ELL: variants seen among roughly 807,000 people sequenced by gnomAD.
ELL encodes the protein elongation factor for RNA polymerase II.
In ELL, 18 loss-of-function variants were observed where a neutral mutation model predicts 64.0. The observed-to-expected ratio is 0.28, with a 90% CI of 0.19 to 0.42. The LOEUF (loss-of-function observed/expected upper bound fraction) is 0.42. Among genes scored for constraint, ELL ranks in the 10% least tolerant of loss-of-function variants. The probability of loss-of-function intolerance (pLI) is 1.00; values close to 1 mark genes in which losing one functional copy is unlikely to be tolerated. For synonymous variants in ELL, 399 were observed against 376.2 expected (o/e 1.06, Z -0.70); for missense variants, 797 against 870.4 (o/e 0.92, Z 1.06).
At chr19:18,455,741 T>C (rs1458400268) in intron 6 of ELL, among the ~76,000 whole-genome samples, 1 of 150,926 alleles carries the variant, frequency 6.6e-6, no homozygotes, top group Non-Finnish European at 1.5e-5. Flanking sequence ...CAAATAATAG[T>C]AAATTAAGAG....
At chr19:18,507,799 A>G (rs983744532) in intron 1 of ELL, among the ~76,000 whole-genome samples, 13 of 152,210 alleles carry the variant, frequency 8.5e-5, no homozygotes, top group African/African-American at 3.1e-4. Flanking sequence ...GGCTCAGCTC[A>G]GAGACTGCAT....
At chr19:18,494,663 T>TTGC (rs768467363) in intron 1 of ELL, among the ~76,000 whole-genome samples, 7 of 152,192 alleles carry the variant, frequency 4.6e-5, no homozygotes, top group African/African-American at 7.2e-5. Context: ...AGTGCTGGGA[T>TTGC]TGCAGGCATA....
At chr19:18,450,019 G>T (rs1441767886) in intron 8 of ELL, among the ~76,000 whole-genome samples, 1 of 152,172 alleles carries the variant, frequency 6.6e-6, no homozygotes, top group African/African-American at 2.4e-5. Flanking sequence ...CTCCCACCAG[G>T]ATCTGCCCAT....
At chr19:18,516,800 G>C (rs1309323909) in intron 1 of ELL, among the ~76,000 whole-genome samples, 1 of 152,148 alleles carries the variant, frequency 6.6e-6, no homozygotes, top group Non-Finnish European at 1.5e-5. Context: ...CCTGAGAGAA[G>C]GATCTGGAAC....
intron 8 of ELL, among the ~76,000 whole-genome samples, chr19:18,450,225 G>A (rs769765558): frequency 2.6e-5 from 4 of 152,266 alleles, no homozygotes; most frequent in Non-Finnish European, 5.9e-5. Flanking sequence ...CTGGGCCTCC[G>A]GCCCCCAGTG....
At position 18,450,884 on chromosome 19, in the gene ELL, T is replaced by G. The variant is rs770181742; in HGVS notation, c.1058A>C (p.Asn353Thr). The G allele has an allele frequency of 4.2e-5, 66 of 1,578,334 alleles. No homozygotes were observed. Among genetic ancestry groups the G allele is most frequent in the Non-Finnish European group, 5.6e-5 (65 of 1,161,612 alleles). The change falls in exon 8 of 12, where the codon AAC becomes ACC. Residue 353 changes from asparagine to threonine, a missense_variant. Coordinates refer to ENST00000262809, the MANE Select transcript of ELL (RefSeq NM_006532.4). ...HFTQRAQPAV[N>T]GKLGVPNGRE... ...GCCATTGGGCACGCCCAGCTTCCCG[T>G]TGACGGCAGGCTGAGCTCTCTGAGT...
chr19:18,508,914 C>T (rs1412795941), intron 1 of ELL, among the ~76,000 whole-genome samples: 1 of 152,168 alleles, frequency 6.6e-6, no homozygotes, highest in African/African-American at 2.4e-5. Context: ...CACACTACAG[C>T]CCACTCTGTC....
At chr19:18,481,690 C>T (rs1975301991) in intron 1 of ELL, among the ~76,000 whole-genome samples, 1 of 152,244 alleles carries the variant, frequency 6.6e-6, no homozygotes, top group African/African-American at 2.4e-5. Flanking sequence ...CAGCATGACG[C>T]CTTTGAGATC....
intron 1 of ELL, among the ~76,000 whole-genome samples, chr19:18,521,490 G>C (rs1254106100): frequency 6.6e-6 from 1 of 151,732 alleles, no homozygotes; most frequent in Non-Finnish European, 1.5e-5. Context: ...CCCCACCAAC[G>C]GCGCTGCCCC....
chr19:18,502,833 C>T (rs1975808760), intron 1 of ELL, among the ~76,000 whole-genome samples: 2 of 152,350 alleles, frequency 1.3e-5, no homozygotes, highest in African/African-American at 4.8e-5. Flanking sequence ...GAGTTTTGGG[C>T]CATCAATGCG....
Position 18,469,329 on chromosome 19 carries a change from G to A in ELL, c.184-3411C>T, listed in dbSNP as rs111341167. Among the ~76,000 whole-genome samples the A allele has an allele frequency of 3.5e-3, 538 of 152,338 alleles. 1 individual carries two copies. Among genetic ancestry groups the A allele is most frequent in the African/African-American group, 0.011 (443 of 41,570 alleles). ...TATGGAGCCCTCTGATTAACGGGCT[G>A]TTTTGCTGCTGGTTAATGGTTACCA... On this transcript the variant is annotated intron_variant, in intron 2 of 11. Transcript: ENST00000262809.
Position 18,450,460 on chromosome 19 carries a change from C to T in ELL, c.1465+17G>A. 1.9e-6 allele frequency: 3 copies of T among 1,609,200 alleles called. No homozygotes were observed. The highest frequency in any genetic ancestry group is 2.5e-6 in the Non-Finnish European group (3 of 1,177,570). On this transcript the variant is annotated intron_variant, in intron 8 of 11. Coordinates refer to ENST00000262809, the MANE Select transcript of ELL (RefSeq NM_006532.4). ...GTACTTAGAGCCCCGGCAACGCCCTCCTGCCTGGGCACCTACCTGGGGTGT... is the reference window on the plus strand; with the variant it reads ...GTACTTAGAGCCCCGGCAACGCCCTTCTGCCTGGGCACCTACCTGGGGTGT...
Position 18,458,114 on chromosome 19 carries a change from G to A in ELL, c.869+91C>T, listed in dbSNP as rs934844038. The stretch of plus-strand genomic sequence containing the variant: ...TGCTCCCAAGCCCTGTGGCCTTCAG[G>A]ACCACACAAGACCACCCCAGCATCC... On this transcript the variant is annotated intron_variant, in intron 6 of 11. Coordinates refer to ENST00000262809, the MANE Select transcript of ELL (RefSeq NM_006532.4). The A allele has an allele frequency of 3.8e-6, 6 of 1,563,642 alleles. No individual in the cohort carries two copies. The African/African-American group carries it at 6.7e-5, about 17-fold the overall frequency.
chr19:18,492,216 G>A (rs1370820453), intron 1 of ELL, among the ~76,000 whole-genome samples: 1 of 152,152 alleles, frequency 6.6e-6, no homozygotes, highest in Non-Finnish European at 1.5e-5. Flanking sequence ...ACCTCTGTGA[G>A]GAGGCCACAT....
intron 6 of ELL, among the ~76,000 whole-genome samples, chr19:18,455,141 CA>C (rs34585634): frequency 0.49 from 53,286 of 107,744 alleles, 11,729 homozygotes; most frequent in African/African-American, 0.68. Context: ...AGTCCCTCTC[CA>C]AAAAAAAAAA....
At chr19:18,469,028 C>T (rs1458388678) in intron 2 of ELL, among the ~76,000 whole-genome samples, 1 of 152,172 alleles carries the variant, frequency 6.6e-6, no homozygotes, top group Non-Finnish European at 1.5e-5. Context: ...CCCCCAAACT[C>T]CATCCTAGAA....
At chr19:18,470,337 G>A (rs1053541540) in intron 2 of ELL, among the ~76,000 whole-genome samples, 8 of 152,246 alleles carry the variant, frequency 5.3e-5, no homozygotes, top group Non-Finnish European at 7.3e-5. Flanking sequence ...GGTTGGGGAT[G>A]AGGGGCCCCC....
At chr19:18,448,050 C>T (rs1177774400) in intron 8 of ELL, among the ~76,000 whole-genome samples, 2 of 151,296 alleles carry the variant, frequency 1.3e-5, no homozygotes, top group African/African-American at 4.9e-5. Flanking sequence ...CCTTTCAAAG[C>T]GTTGGGATTA....
intron 1 of ELL, among the ~76,000 whole-genome samples, chr19:18,475,170 G>C (rs1316243417): frequency 6.6e-6 from 1 of 152,130 alleles, no homozygotes; most frequent in Non-Finnish European, 1.5e-5. Flanking sequence ...ACATGAAAAA[G>C]AGACCTATAG....
Sources: gnomAD v4.1 joint callset for allele counts (sites outside exome capture counted in the v4.1 genomes callset) on GRCh38, gnomAD v4.1.1 for gene constraint, MANE v1.5 for transcripts, NCBI Gene and HGNC (gene_info 2026-07-23, HGNC 2026-07-21) for gene names.